JAKMIP1: variants seen among roughly 807,000 people sequenced by gnomAD.
The protein encoded by JAKMIP1 is janus kinase and microtubule-interacting protein 1.
JAKMIP1 carries 33 observed loss-of-function variants against 113.0 expected under a neutral mutation model. That is an observed-to-expected ratio of 0.29 (90% CI 0.22 to 0.39). JAKMIP1 has a LOEUF of 0.39. Ranked by LOEUF, JAKMIP1 falls within the 10% of genes least tolerant of loss-of-function variation. JAKMIP1 has a pLI of 1.00. For synonymous variants in JAKMIP1, 480 were observed against 459.9 expected, an observed-to-expected ratio of 1.04 and a Z score of -0.56; for missense variants, 813 against 1,080.5, an observed-to-expected ratio of 0.75 and a Z score of 3.47.
In JAKMIP1 at chr4:6,158,041, G is replaced by A. The variant is rs1172855200; in HGVS notation, c.-148+42212C>T. Among the ~76,000 whole-genome samples, 2 of 152,176 alleles carry A rather than the reference G, an allele frequency of 1.3e-5. No homozygotes were observed. The highest frequency in any genetic ancestry group is 2.9e-5 in the Non-Finnish European group (2 of 68,036). ...ACATTTCCAGGGCTATGTGCTATGA[G>A]GTAGGGCTCAAGCTGTCGGCCAGCG... On this transcript the variant is annotated intron_variant, in intron 1 of 20. Transcript: ENST00000409021. This position sits in a 1 kb window ranked among gnomAD's most constrained non-coding sequence, Gnocchi z 5.3.
At chr4:6,084,430 T>C (rs1720996174) in intron 5 of JAKMIP1, among the ~76,000 whole-genome samples, 1 of 152,232 alleles carries the variant, frequency 6.6e-6, no homozygotes, top group South Asian at 2.1e-4. Context: ...TCCATTTCAA[T>C]TAAAGAGGGT....
Position 6,156,926 on chromosome 4 carries a change from G to C in JAKMIP1, c.-148+43327C>G, listed in dbSNP as rs1722306559. ...CTGAATTTTCTATAACAAGTTCCAT[G>C]GCTAGTGGTTTGAATGCGTCCCTCA... On this transcript the variant is annotated intron_variant, in intron 1 of 20. Transcript: ENST00000409021. This position sits in a 1 kb window ranked among gnomAD's most constrained non-coding sequence, Gnocchi z 5.0. Among the ~76,000 whole-genome samples, 1 of 152,226 alleles carries C rather than the reference G, an allele frequency of 6.6e-6. No individual in the cohort carries two copies. The highest frequency in any genetic ancestry group is 1.5e-5 in the Non-Finnish European group (1 of 68,046).
chr4:6,121,680 G>A (rs942849037), intron 1 of JAKMIP1, among the ~76,000 whole-genome samples: 1 of 152,224 alleles, frequency 6.6e-6, no homozygotes, highest in Non-Finnish European at 1.5e-5. Context: ...TCCAGTGATC[G>A]CAGCGCGGCT....
At position 6,193,362 on chromosome 4, in the gene JAKMIP1, G is replaced by A. The variant is rs1192709881; in HGVS notation, c.-148+6891C>T. On this transcript the variant is annotated intron_variant, in intron 1 of 20. Coordinates refer to ENST00000409021, the MANE Select transcript of JAKMIP1 (RefSeq NM_001099433.2). This position sits in a 1 kb window ranked among gnomAD's most constrained non-coding sequence, Gnocchi z 6.4. ...CGTGAGACTTTACCTTGTGATCGGTGAGTCAATTCTCCTTAATAAACTCCT... is the reference window on the plus strand; with the variant it reads ...CGTGAGACTTTACCTTGTGATCGGTAAGTCAATTCTCCTTAATAAACTCCT... Among the ~76,000 whole-genome samples, 5 of 152,182 alleles carry A rather than the reference G, an allele frequency of 3.3e-5. No homozygotes were observed. Among genetic ancestry groups the A allele is most frequent in the African/African-American group, 1.2e-4 (5 of 41,434 alleles).
rs1397683468 is a variant in JAKMIP1, at chr4:6,163,425, G to A, written c.-148+36828C>T. Reference sequence around the variant, plus strand: ...ATGAACCATGCCTATATAATACAGAGAAGTTAATGGATAAATCCTGGGTAT... The same window carrying A: ...ATGAACCATGCCTATATAATACAGAAAAGTTAATGGATAAATCCTGGGTAT... On this transcript the variant is annotated intron_variant, in intron 1 of 20. Coordinates refer to ENST00000409021, the MANE Select transcript of JAKMIP1 (RefSeq NM_001099433.2). 5.3e-5 allele frequency among the ~76,000 whole-genome samples: 8 copies of A among 152,142 alleles called. No homozygotes were observed. The South Asian group carries it at 6.2e-4, about 12-fold the overall frequency.
chr4:6,142,183 T>C lies in JAKMIP1; in HGVS notation c.-147-29186A>G, dbSNP rs1200648728. On this transcript the variant is annotated intron_variant, in intron 1 of 20. Transcript: ENST00000409021. This position sits in a 1 kb window ranked among gnomAD's most constrained non-coding sequence, Gnocchi z 5.5. ...GTGGAGGCCTTCCTACCTCATTCCA[T>C]CCTGGATTTAGGGACACTTTGGTTA... is the stretch of plus-strand genomic sequence containing the variant. 2.0e-5 allele frequency among the ~76,000 whole-genome samples: 3 copies of C among 152,226 alleles called. No individual in the cohort carries two copies. Among genetic ancestry groups the C allele is most frequent in the Non-Finnish European group, 4.4e-5 (3 of 68,036 alleles).
At chr4:6,173,416 A>G (rs1393067935) in intron 1 of JAKMIP1, among the ~76,000 whole-genome samples, 1 of 152,232 alleles carries the variant, frequency 6.6e-6, no homozygotes, top group Non-Finnish European at 1.5e-5. Context: ...CTTTATGTCA[A>G]AACTGCTCCC....
At position 6,187,901 on chromosome 4, in the gene JAKMIP1, G is replaced by A. The variant is rs985676801; in HGVS notation, c.-148+12352C>T. Among the ~76,000 whole-genome samples the A allele has an allele frequency of 9.2e-5, 14 of 152,052 alleles. No homozygotes were observed. Among genetic ancestry groups the A allele is most frequent in the East Asian group, 3.9e-4 (2 of 5,192 alleles). On this transcript the variant is annotated intron_variant, in intron 1 of 20. Coordinates refer to ENST00000409021, the MANE Select transcript of JAKMIP1 (RefSeq NM_001099433.2). The surrounding 1 kb of genome is among the most constrained non-coding windows in gnomAD (Gnocchi z 4.2). ...TTATTTTGTTTTCAATATGCCTCACGTCATTTTTGCTCCTTTATTCTTCCA... is the reference window on the plus strand; with the variant it reads ...TTATTTTGTTTTCAATATGCCTCACATCATTTTTGCTCCTTTATTCTTCCA...
At position 6,029,735 on chromosome 4, in the gene JAKMIP1, A is replaced by C; in HGVS notation, c.2426T>G (p.Leu809Arg). ...EDKLEFQKRH[L>R]KELEEKFLFL... is the part of the protein sequence containing the mutation. ...ACCTACCTTTTCCTCCAGTTCTTTC[A>C]GGTGCCGCTTCTGAAACTCCAGTTT... Residue 809 changes from leucine to arginine, a missense_variant, in exon 20 of 21, where the codon CTG becomes CGG. Transcript: ENST00000409021. The C allele has an allele frequency of 1.2e-6, 2 of 1,603,792 alleles. No homozygotes were observed. The highest frequency in any genetic ancestry group is 1.7e-4 in the Middle Eastern group (1 of 6,046).
intron 8 of JAKMIP1, among the ~76,000 whole-genome samples, chr4:6,066,545 A>C (rs928330695): frequency 6.6e-6 from 1 of 152,072 alleles, no homozygotes; most frequent in Admixed American, 6.6e-5. Flanking sequence ...CCTAGCGGGC[A>C]GTGACTTACC....
At chr4:6,098,690 AAG>A (rs1229010751) in intron 3 of JAKMIP1, among the ~76,000 whole-genome samples, 4 of 7,504 alleles carry the variant, frequency 5.3e-4, no homozygotes, top group Middle Eastern at 0.25. Context: ...GAAAGAAAGA[AAG>A]AAAGAAAGAA....
At position 6,150,539 on chromosome 4, in the gene JAKMIP1, C is replaced by A. The variant is rs935346913; in HGVS notation, c.-147-37542G>T. ...TGGTTTCCGCATCCAGGAATAGACACCCGCTTCTTAATCCCTGCCTCGGAG... is the reference window on the plus strand; with the variant it reads ...TGGTTTCCGCATCCAGGAATAGACAACCGCTTCTTAATCCCTGCCTCGGAG... On this transcript the variant is annotated intron_variant, in intron 1 of 20. Coordinates refer to ENST00000409021, the MANE Select transcript of JAKMIP1 (RefSeq NM_001099433.2). The surrounding 1 kb of genome is among the most constrained non-coding windows in gnomAD (Gnocchi z 4.8). 6.6e-6 allele frequency: 1 copy of A among 152,280 alleles called. No homozygotes were observed. Among genetic ancestry groups the A allele is most frequent in the Non-Finnish European group, 1.5e-5 (1 of 68,112 alleles). The allele number at this position is 152,280 out of a possible 1,614,324, so 9.4% of individuals were successfully genotyped here.
intron 2 of JAKMIP1, among the ~76,000 whole-genome samples, chr4:6,107,241 A>T (rs36098332): frequency 0.034 from 5,210 of 152,240 alleles, 135 homozygotes; most frequent in South Asian, 0.066. Flanking sequence ...AATGGTTTTG[A>T]CTGTTCTCCC....
rs112977489 is a variant in JAKMIP1 at position 6,072,879 on chromosome 4, G to A, written c.1302+6060C>T. On this transcript the variant is annotated intron_variant, in intron 8 of 20. Transcript: ENST00000409021. ...AGGTCACTTGAGGTCAGGAGTTCGA[G>A]ACCAGCCTGGCCAATATGGTGAAAC... 4.0e-3 allele frequency among the ~76,000 whole-genome samples: 614 copies of A among 152,148 alleles called. 5 individuals are homozygous for A. The highest frequency in any genetic ancestry group is 0.014 in the African/African-American group (579 of 41,490).
rs764442289 is a variant in JAKMIP1 at position 6,181,615 on chromosome 4, G to A, written c.-148+18638C>T. Among the ~76,000 whole-genome samples the A allele has an allele frequency of 6.6e-6, 1 of 152,192 alleles. No homozygotes were observed. Among genetic ancestry groups the A allele is most frequent in the Non-Finnish European group, 1.5e-5 (1 of 68,032 alleles). On this transcript the variant is annotated intron_variant, in intron 1 of 20. Coordinates refer to ENST00000409021, the MANE Select transcript of JAKMIP1 (RefSeq NM_001099433.2). The surrounding 1 kb of genome is among the most constrained non-coding windows in gnomAD (Gnocchi z 5.4). Reference sequence around the variant, plus strand: ...GGACATCCAAAGTGGGCTGTGGAAGGGGTGAAATCAGGATATGCAGATGGA... The same window carrying A: ...GGACATCCAAAGTGGGCTGTGGAAGAGGTGAAATCAGGATATGCAGATGGA...
Position 6,176,818 on chromosome 4 carries a change from A to G in JAKMIP1, c.-148+23435T>C, listed in dbSNP as rs1199178192. 6.6e-6 allele frequency among the ~76,000 whole-genome samples: 1 copy of G among 152,208 alleles called. No homozygotes were observed. The highest frequency in any genetic ancestry group is 1.5e-5 in the Non-Finnish European group (1 of 68,046). On this transcript the variant is annotated intron_variant, in intron 1 of 20. Transcript: ENST00000409021. This position sits in a 1 kb window ranked among gnomAD's most constrained non-coding sequence, Gnocchi z 5.5. ...GGGGCCGAGGCAGGCGGATCACTTG[A>G]GCCCAGAAGTTAGAAACCAGCCTGG...
At position 6,178,572 on chromosome 4, in the gene JAKMIP1, T is replaced by G. The variant is rs1356439761; in HGVS notation, c.-148+21681A>C. Among the ~76,000 whole-genome samples the G allele has an allele frequency of 6.6e-6, 1 of 152,144 alleles. No individual in the cohort carries two copies. Among genetic ancestry groups the G allele is most frequent in the African/African-American group, 2.4e-5 (1 of 41,426 alleles). On this transcript the variant is annotated intron_variant, in intron 1 of 20. Transcript: ENST00000409021. This position sits in a 1 kb window ranked among gnomAD's most constrained non-coding sequence, Gnocchi z 5.5. ...GGAAGCATTTCATGAACCGGGATAT[T>G]TCGAAACTGCATCTCCTTGATACCG...
At chr4:6,191,672 C>T (rs917089186) in intron 1 of JAKMIP1, among the ~76,000 whole-genome samples, 2 of 152,180 alleles carry the variant, frequency 1.3e-5, no homozygotes, top group Non-Finnish European at 1.5e-5. Flanking sequence ...GACCCTGCTG[C>T]CCTCTGGAGC....
rs369897699 is a variant in JAKMIP1, at chr4:6,065,017, C to A, written c.1303-9G>T. ...GTCTCCACAACATGCTTCTGTAAAA[C>A]GCAATTTGTATGATGTTAGCAACGA... On this transcript the variant is annotated splice_polypyrimidine_tract_variant and intron_variant, in intron 8 of 20. Transcript: ENST00000409021. The surrounding 1 kb of genome is among the most constrained non-coding windows in gnomAD (Gnocchi z 5.1). The A allele has an allele frequency of 1.2e-6, 2 of 1,614,124 alleles. No homozygotes were observed. Among genetic ancestry groups the A allele is most frequent in the African/African-American group, 1.3e-5 (1 of 75,044 alleles).
Sources: allele counts gnomAD v4.1 joint callset (sites outside exome capture counted in the v4.1 genomes callset), GRCh38; gene constraint gnomAD v4.1.1; non-coding constraint Gnocchi (gnomAD v3.1); transcripts MANE v1.5; gene names NCBI Gene and HGNC (gene_info 2026-07-23, HGNC 2026-07-21).